The following EYS variants were observed in gnomAD, a reference collection of about 807,000 sequenced individuals.
EYS encodes the protein EGF-like photoreceptor maintenance factor.
EYS carries 250 observed loss-of-function variants against 282.1 expected under a neutral mutation model. That is an observed-to-expected ratio of 0.89 (90% confidence interval 0.80 to 0.98). EYS has a LOEUF of 0.98. Among genes scored for constraint, EYS ranks in the 50% least tolerant of loss-of-function variants. The probability of loss-of-function intolerance (pLI) is 0.00; values close to 1 mark genes in which losing one functional copy is unlikely to be tolerated. For synonymous variants in EYS, 1,355 were observed against 1,282.9 expected (o/e 1.06, Z -1.20); for missense variants, 4,016 against 3,709.0 (o/e 1.08, Z -2.15).
intron 35 of EYS, among the ~76,000 whole-genome samples, chr6:63,887,195 A>G (rs2149722160): frequency 6.6e-6 from 1 of 152,288 alleles, no homozygotes; most frequent in South Asian, 2.1e-4. Context: ...TTCTCCAGGG[A>G]CATGCTACAG....
chr6:65,319,076 TG>T (rs1012820547), intron 11 of EYS, among the ~76,000 whole-genome samples: 27 of 150,698 alleles, frequency 1.8e-4, no homozygotes, highest in African/African-American at 6.6e-4. Context: ...TGTCACTATT[TG>T]GCTGGGTGTG....
intron 35 of EYS, among the ~76,000 whole-genome samples, chr6:63,958,607 C>T (rs922515187): frequency 6.6e-6 from 1 of 152,140 alleles, no homozygotes; most frequent in African/African-American, 2.4e-5. Flanking sequence ...CGAAAGCAGC[C>T]TTATATTGGA....
At chr6:63,834,557 A>T (rs962928900) in intron 36 of EYS, among the ~76,000 whole-genome samples, 1 of 150,920 alleles carries the variant, frequency 6.6e-6, no homozygotes, top group African/African-American at 2.5e-5. Context: ...GAAACAACAG[A>T]TGCTGGAGAG....
intron 40 of EYS, among the ~76,000 whole-genome samples, chr6:63,768,102 G>T (rs1769842129): frequency 6.6e-6 from 1 of 151,718 alleles, no homozygotes; most frequent in Non-Finnish European, 1.5e-5. Flanking sequence ...AAGACTTTAA[G>T]ATCTAAACCT....
At chr6:65,059,328 T>C (rs1445792821) in intron 12 of EYS, among the ~76,000 whole-genome samples, 1 of 151,950 alleles carries the variant, frequency 6.6e-6, no homozygotes, top group Non-Finnish European at 1.5e-5. Flanking sequence ...GTAACAATGG[T>C]TGAGAGTTTT....
intron 13 of EYS, among the ~76,000 whole-genome samples, chr6:65,020,320 A>C (rs528573410): frequency 6.3e-4 from 96 of 152,352 alleles, no homozygotes; most frequent in African/African-American, 2.3e-3. Context: ...ATGTGAGTAT[A>C]GGCATTGGGT....
chr6:64,445,035 T>A (rs1328276627), intron 26 of EYS, among the ~76,000 whole-genome samples: 1 of 152,230 alleles, frequency 6.6e-6, no homozygotes, highest in Non-Finnish European at 1.5e-5. Flanking sequence ...GCCTCAGGTA[T>A]CTCTTGATAG....
chr6:65,345,880 GA>G (rs926725936), intron 9 of EYS, among the ~76,000 whole-genome samples: 14 of 150,512 alleles, frequency 9.3e-5, no homozygotes, highest in African/African-American at 1.9e-4. Flanking sequence ...ATATAATTAT[GA>G]AAAAAAAATT....
chr6:65,009,266 C>G (rs984762061), intron 13 of EYS, among the ~76,000 whole-genome samples: 7 of 152,072 alleles, frequency 4.6e-5, no homozygotes, highest in African/African-American at 1.7e-4. Context: ...AATTAAGGAC[C>G]TAAAAGCCCA....
intron 29 of EYS, among the ~76,000 whole-genome samples, chr6:64,386,118 T>G (rs960942322): frequency 6.6e-6 from 1 of 152,188 alleles, no homozygotes; most frequent in Admixed American, 6.6e-5. Flanking sequence ...AAATGACTTG[T>G]GCCTCACAAC....
At chr6:64,498,438 A>G (rs1288715580) in intron 26 of EYS, among the ~76,000 whole-genome samples, 4 of 151,242 alleles carry the variant, frequency 2.6e-5, no homozygotes, top group African/African-American at 9.7e-5. Flanking sequence ...CATCTTCTCT[A>G]CCTCTTTTAG....
chr6:65,468,862 T>C (rs1562203401), intron 5 of EYS, among the ~76,000 whole-genome samples: 1 of 152,096 alleles, frequency 6.6e-6, no homozygotes, highest in African/African-American at 2.4e-5. Context: ...AGGATATCTT[T>C]AATGTCCTTC....
chr6:64,646,229 C>T (rs1036949231), intron 22 of EYS, among the ~76,000 whole-genome samples: 1 of 152,032 alleles, frequency 6.6e-6, no homozygotes, highest in Non-Finnish European at 1.5e-5. Context: ...AGACATATAT[C>T]GTATTTATAA....
At chr6:63,908,918 G>A (rs1159028553) in intron 35 of EYS, among the ~76,000 whole-genome samples, 3 of 152,072 alleles carry the variant, frequency 2.0e-5, no homozygotes, top group Admixed American at 2.0e-4. Flanking sequence ...TATATAATTT[G>A]CTACTAAACC....
intron 22 of EYS, among the ~76,000 whole-genome samples, chr6:64,764,735 T>G (rs1309321225): frequency 6.6e-6 from 1 of 152,172 alleles, no homozygotes; most frequent in African/African-American, 2.4e-5. Flanking sequence ...TCCCTTTTTG[T>G]TTTTTGTTTG....
intron 19 of EYS, among the ~76,000 whole-genome samples, chr6:64,871,759 C>T (rs932377436): frequency 2.0e-5 from 3 of 151,936 alleles, no homozygotes; most frequent in Non-Finnish European, 2.9e-5. Flanking sequence ...TGTTTTATTC[C>T]TCTTGAGAGA....
Position 65,622,028 on chromosome 6 carries a change from C to T in EYS, c.-333+17750G>A, listed in dbSNP as rs542542960. ...AACTAAAAATAAGCAGTTCCCAAGT[C>T]TCCAAGCACAAGACAGAGATGTCTA... is the stretch of plus-strand genomic sequence containing the variant. On this transcript the variant is annotated intron_variant, in intron 2 of 42. Coordinates refer to ENST00000503581, the MANE Select transcript of EYS (RefSeq NM_001142800.2). Among the ~76,000 whole-genome samples the T allele has an allele frequency of 3.9e-4, 60 of 152,202 alleles. 1 individual carries two copies. The highest frequency in any genetic ancestry group is 1.2e-3 in the African/African-American group (49 of 41,546).
At chr6:64,390,196 G>T (rs1402719255) in intron 28 of EYS, among the ~76,000 whole-genome samples, 1 of 152,154 alleles carries the variant, frequency 6.6e-6, no homozygotes, top group African/African-American at 2.4e-5. Flanking sequence ...GAGGCTGGGG[G>T]AGGGGTGCCC....
intron 5 of EYS, among the ~76,000 whole-genome samples, chr6:65,426,475 C>T (rs1399392180): frequency 6.6e-6 from 1 of 152,068 alleles, no homozygotes; most frequent in Non-Finnish European, 1.5e-5. Context: ...GATTGTCCCA[C>T]TTTGGATAAG....
Sources: allele counts gnomAD v4.1 joint callset (sites outside exome capture counted in the v4.1 genomes callset), GRCh38; gene constraint gnomAD v4.1.1; transcripts MANE v1.5; gene names NCBI Gene and HGNC (gene_info 2026-07-23, HGNC 2026-07-21).